Variants in ATXN7L1 observed in about 807,000 individuals in gnomAD.
The protein encoded by ATXN7L1 is ataxin 7 like 1.
Under a neutral mutation model 70.8 loss-of-function variants are expected in ATXN7L1, and 15 were observed. The observed-to-expected ratio is 0.21, with a 90% confidence interval of 0.14 to 0.33. ATXN7L1 has a LOEUF of 0.33. ATXN7L1 is among the 10% of genes least tolerant of loss of function. The pLI is 1.00. For synonymous variants in ATXN7L1, 440 were observed against 445.1 expected (o/e 0.99, Z 0.14); for missense variants, 975 against 1,097.1 (o/e 0.89, Z 1.57).
chr7:105,860,017 G>A (rs967119159), intron 2 of ATXN7L1, among the ~76,000 whole-genome samples: 1 of 148,834 alleles, frequency 6.7e-6, no homozygotes, highest in African/African-American at 2.5e-5. Context: ...TCCTGACTCC[G>A]GGTAATCCAC....
intron 3 of ATXN7L1, among the ~76,000 whole-genome samples, chr7:105,777,662 G>A (rs1467072416): frequency 2.0e-5 from 3 of 152,048 alleles, no homozygotes; most frequent in Non-Finnish European, 2.9e-5. Flanking sequence ...CCATCTCCAC[G>A]GCTACCACGA....
intron 2 of ATXN7L1, among the ~76,000 whole-genome samples, chr7:105,846,092 C>A (rs1218861304): frequency 3.3e-5 from 5 of 151,844 alleles, no homozygotes; most frequent in African/African-American, 1.2e-4. Flanking sequence ...AGGACATCAT[C>A]AAGAAAGCAA....
At chr7:105,652,035 G>A (rs1036619144) in intron 4 of ATXN7L1, among the ~76,000 whole-genome samples, 1 of 152,196 alleles carries the variant, frequency 6.6e-6, no homozygotes, top group Non-Finnish European at 1.5e-5. Flanking sequence ...AACCTGCTGG[G>A]AGAATAAGGA....
intron 7 of ATXN7L1, among the ~76,000 whole-genome samples, chr7:105,635,892 T>A (rs1353442806): frequency 6.6e-6 from 1 of 151,036 alleles, no homozygotes; most frequent in Non-Finnish European, 1.5e-5. Flanking sequence ...AGATGAAACA[T>A]CTATTATATA....
chr7:105,785,017 G>A (rs1223087631), intron 3 of ATXN7L1, among the ~76,000 whole-genome samples: 1 of 152,204 alleles, frequency 6.6e-6, no homozygotes, highest in Non-Finnish European at 1.5e-5. Flanking sequence ...GATTCCATTT[G>A]AAAGAAAGTT....
At chr7:105,633,847 C>T (rs1034965626) in intron 7 of ATXN7L1, among the ~76,000 whole-genome samples, 2 of 152,122 alleles carry the variant, frequency 1.3e-5, no homozygotes, top group African/African-American at 4.8e-5. Context: ...GGGGAGTATG[C>T]TGAGTGTGGA....
At chr7:105,683,658 G>C (rs919322590) in intron 3 of ATXN7L1, among the ~76,000 whole-genome samples, 2 of 152,074 alleles carry the variant, frequency 1.3e-5, no homozygotes, top group Non-Finnish European at 2.9e-5. Context: ...CTGGGTGACA[G>C]AGCGAGATTC....
At chr7:105,803,607 G>A (rs1396757906) in intron 2 of ATXN7L1, among the ~76,000 whole-genome samples, 1 of 152,172 alleles carries the variant, frequency 6.6e-6, no homozygotes, top group Non-Finnish European at 1.5e-5. Context: ...ACTGTGCATT[G>A]GAATCTTTCA....
chr7:105,765,011 C>T (rs185370670), intron 3 of ATXN7L1, among the ~76,000 whole-genome samples: 134 of 152,208 alleles, frequency 8.8e-4, no homozygotes, highest in African/African-American at 3.2e-3. Context: ...TACCATCTTC[C>T]TTGAAGTAGG....
chr7:105,811,996 C>T (rs1295576169), intron 2 of ATXN7L1, among the ~76,000 whole-genome samples: 2 of 152,202 alleles, frequency 1.3e-5, no homozygotes, highest in African/African-American at 4.8e-5. Context: ...GCCAGCTTCC[C>T]CTTTCCCTTC....
intron 3 of ATXN7L1, among the ~76,000 whole-genome samples, chr7:105,782,140 T>C (rs1430890775): frequency 6.6e-6 from 1 of 152,170 alleles, no homozygotes; most frequent in Non-Finnish European, 1.5e-5. Flanking sequence ...GGCCTAGAGC[T>C]GGAATTTTAA....
chr7:105,744,012 C>T (rs975128936), intron 3 of ATXN7L1, among the ~76,000 whole-genome samples: 1 of 152,142 alleles, frequency 6.6e-6, no homozygotes, highest in Non-Finnish European at 1.5e-5. Context: ...CAGCACGTTG[C>T]AGCATGAGCT....
At chr7:105,742,941 T>C (rs970435549) in intron 3 of ATXN7L1, among the ~76,000 whole-genome samples, 2 of 152,044 alleles carry the variant, frequency 1.3e-5, no homozygotes, top group African/African-American at 4.8e-5. Flanking sequence ...CCTCTCAACA[T>C]GCTTATGCCC....
intron 3 of ATXN7L1, among the ~76,000 whole-genome samples, chr7:105,682,791 G>T (rs182349257): frequency 3.3e-5 from 5 of 152,280 alleles, no homozygotes; most frequent in African/African-American, 1.2e-4. Flanking sequence ...TGTGGTGGGG[G>T]AGGGGGAATA....
At position 105,607,565 on chromosome 7, in the gene ATXN7L1, G is replaced by A. The variant is rs1792811034; in HGVS notation, c.*287C>T. On this transcript the variant is annotated 3_prime_UTR_variant, in exon 12 of 12. Transcript: ENST00000419735. ...GGTACAGTAGCAGCATCAGGAGCTAGGGGAGTGACCCCAAATTTGGAAGAA... is the reference window on the plus strand; with the variant it reads ...GGTACAGTAGCAGCATCAGGAGCTAAGGGAGTGACCCCAAATTTGGAAGAA... 3 of 481,120 alleles carry A rather than the reference G, an allele frequency of 6.2e-6. No homozygotes were observed. The highest frequency in any genetic ancestry group is 5.4e-5 in the South Asian group (2 of 37,032). The allele number at this position is 481,120 out of a possible 1,614,324, so 29.8% of individuals were successfully genotyped here.
intron 3 of ATXN7L1, among the ~76,000 whole-genome samples, chr7:105,757,999 T>C (rs566271615): frequency 2.0e-5 from 3 of 152,256 alleles, no homozygotes; most frequent in South Asian, 4.2e-4. Flanking sequence ...GGTGCTCTTC[T>C]TCCAGGCCCT....
rs76202603 is a variant in ATXN7L1, at chr7:105,634,021, T to C, written c.1202+4332A>G. The stretch of plus-strand genomic sequence containing the variant: ...TGCATGCAGCCTCCTGGAGGTGATA[T>C]AGTGGTGGATGCTTTCAGGACCTTT... On this transcript the variant is annotated intron_variant, in intron 7 of 11. Transcript: ENST00000419735. 1.6e-3 allele frequency among the ~76,000 whole-genome samples: 236 copies of C among 152,220 alleles called. 1 individual carries two copies. Among genetic ancestry groups the C allele is most frequent in the African/African-American group, 5.5e-3 (228 of 41,538 alleles).
At chr7:105,617,839 A>T in intron 9 of ATXN7L1, 1 of 433,174 alleles carries the variant, frequency 2.3e-6, no homozygotes, top group Non-Finnish European at 4.7e-6. Flanking sequence ...GCAGAGTTAA[A>T]TGCTTGTTAA....
chr7:105,805,572 G>T (rs1807451116), intron 2 of ATXN7L1, among the ~76,000 whole-genome samples: 1 of 152,224 alleles, frequency 6.6e-6, no homozygotes, highest in Non-Finnish European at 1.5e-5. Flanking sequence ...GGAGCTCACA[G>T]ATCATGAAAA....
Sources: allele counts gnomAD v4.1 joint callset (sites outside exome capture counted in the v4.1 genomes callset), GRCh38; gene constraint gnomAD v4.1.1; transcripts MANE v1.5; gene names NCBI Gene and HGNC (gene_info 2026-07-23, HGNC 2026-07-21).